Variants in ADAMTS17 observed in about 807,000 individuals in gnomAD.
The protein encoded by ADAMTS17 is ADAM metallopeptidase with thrombospondin type 1 motif 17, also known as A disintegrin and metalloproteinase with thrombospondin motifs 17.
ADAMTS17 carries 113 observed loss-of-function variants against 141.5 expected under a neutral mutation model. That is an observed-to-expected ratio of 0.80 (90% CI 0.69 to 0.93). The LOEUF (loss-of-function observed/expected upper bound fraction) is 0.93. Among genes scored for constraint, ADAMTS17 ranks in the 40% least tolerant of loss-of-function variants. The probability of loss-of-function intolerance (pLI) is 0.00; values close to 1 mark genes in which losing one functional copy is unlikely to be tolerated. For missense variants in ADAMTS17, 1,659 were observed against 1,517.9 expected, an observed-to-expected ratio of 1.09 and a Z score of -1.54; for synonymous variants, 768 against 630.6, an observed-to-expected ratio of 1.22 and a Z score of -3.27.
chr15:100,231,479 C>CA (rs1369607462), intron 7 of ADAMTS17, among the ~76,000 whole-genome samples: 6 of 152,176 alleles, frequency 3.9e-5, no homozygotes, highest in Admixed American at 3.9e-4. Flanking sequence ...GCTGGCCTGA[C>CA]AGGGACCATG....
At chr15:99,984,239 C>T (rs1413369409) in intron 20 of ADAMTS17, among the ~76,000 whole-genome samples, 1 of 152,196 alleles carries the variant, frequency 6.6e-6, no homozygotes, top group Non-Finnish European at 1.5e-5. Context: ...GCCTCCAGAG[C>T]TCTTGGGGAC....
intron 10 of ADAMTS17, among the ~76,000 whole-genome samples, 157 bp from the exon 11 acceptor site, chr15:100,133,472 T>G (rs1285250012): frequency 6.6e-6 from 1 of 152,094 alleles, no homozygotes; most frequent in Non-Finnish European, 1.5e-5. Flanking sequence ...AAAATATCAG[T>G]GCATCACTTG....
At chr15:99,984,501 G>C (rs1233473061) in intron 20 of ADAMTS17, among the ~76,000 whole-genome samples, 2 of 152,238 alleles carry the variant, frequency 1.3e-5, no homozygotes, top group Admixed American at 1.3e-4. Context: ...AGATTCTGAT[G>C]AGAGAAGAGG....
intron 10 of ADAMTS17, among the ~76,000 whole-genome samples, chr15:100,139,395 T>A (rs1325865952): frequency 6.6e-6 from 1 of 152,154 alleles, no homozygotes; most frequent in African/African-American, 2.4e-5. Flanking sequence ...TTTGGCAATG[T>A]CCGAAGGCAT....
intron 18 of ADAMTS17, among the ~76,000 whole-genome samples, chr15:100,029,897 TG>T (rs2141480926): frequency 6.6e-6 from 1 of 152,252 alleles, no homozygotes; most frequent in East Asian, 1.9e-4. Flanking sequence ...TAGCTAGAAA[TG>T]TAAGTTTCCA....
chr15:100,080,560 C>G (rs74595588), intron 15 of ADAMTS17, among the ~76,000 whole-genome samples: 26,047 of 151,950 alleles, frequency 0.17, 2,737 homozygotes, highest in East Asian at 0.53. Flanking sequence ...AGAAAAAACC[C>G]ACGTCTTGCT....
intron 4 of ADAMTS17, among the ~76,000 whole-genome samples, chr15:100,278,155 G>A (rs560674102): frequency 4.9e-4 from 75 of 152,228 alleles, no homozygotes; most frequent in Non-Finnish European, 8.4e-4. Context: ...GGGAAAGGGG[G>A]AAGATAGTGT....
chr15:100,055,405 C>G (rs557124024), intron 15 of ADAMTS17, among the ~76,000 whole-genome samples: 20 of 152,330 alleles, frequency 1.3e-4, no homozygotes, highest in South Asian at 4.1e-4. Context: ...AGTCACTGGC[C>G]TCAGTTCTTG....
At chr15:100,207,844 C>T (rs1367054360) in intron 7 of ADAMTS17, among the ~76,000 whole-genome samples, 3 of 152,238 alleles carry the variant, frequency 2.0e-5, no homozygotes, top group Admixed American at 6.5e-5. Context: ...ACATGCCAAA[C>T]GTGGACCCAT....
At chr15:100,204,231 C>A (rs2041447879) in intron 7 of ADAMTS17, among the ~76,000 whole-genome samples, 1 of 152,230 alleles carries the variant, frequency 6.6e-6, no homozygotes, top group Admixed American at 6.5e-5. Context: ...CTGGTTGATG[C>A]AGTAAGTTGT....
intron 15 of ADAMTS17, among the ~76,000 whole-genome samples, chr15:100,081,791 T>C (rs1280469324): frequency 6.6e-6 from 1 of 152,254 alleles, no homozygotes; most frequent in African/African-American, 2.4e-5. Flanking sequence ...TTGTCATAAG[T>C]TGAATTTGCA....
chr15:100,125,911 G>C (rs74039603), intron 12 of ADAMTS17, among the ~76,000 whole-genome samples: 2,840 of 152,252 alleles, frequency 0.019, 96 homozygotes, highest in African/African-American at 0.063. Context: ...ACAGGGAGCA[G>C]AGCCAGGAAT....
intron 15 of ADAMTS17, among the ~76,000 whole-genome samples, chr15:100,075,458 C>T (rs1000580166): frequency 2.0e-5 from 3 of 152,118 alleles, no homozygotes; most frequent in Non-Finnish European, 2.9e-5. Flanking sequence ...GCTGCTGTAA[C>T]ATGTTGAGGT....
intron 15 of ADAMTS17, among the ~76,000 whole-genome samples, chr15:100,076,787 CAAAAACATAGCATAG>C (rs2034408498): frequency 6.6e-6 from 1 of 151,976 alleles, no homozygotes; most frequent in Non-Finnish European, 1.5e-5. Flanking sequence ...ACTACACAAA[CAAAAACATAGCATAG>C]TATTTTCATA....
chr15:100,044,710 G>A (rs1276555330), intron 18 of ADAMTS17, among the ~76,000 whole-genome samples: 1 of 152,078 alleles, frequency 6.6e-6, no homozygotes, highest in Non-Finnish European at 1.5e-5. Flanking sequence ...TATATGACTA[G>A]TAATTTTGGA....
intron 18 of ADAMTS17, among the ~76,000 whole-genome samples, chr15:100,015,369 C>T (rs936089234): frequency 3.3e-5 from 5 of 152,048 alleles, no homozygotes; most frequent in African/African-American, 7.2e-5. Flanking sequence ...TGTGAGGTAC[C>T]GTTGCATTTG....
intron 3 of ADAMTS17, among the ~76,000 whole-genome samples, chr15:100,281,907 A>C (rs578247787): frequency 6.6e-6 from 1 of 152,280 alleles, no homozygotes; most frequent in Non-Finnish European, 1.5e-5. Context: ...ACATAAAAAC[A>C]CTATGTTTTT....
At chr15:100,070,346 T>TAAC (rs200116260) in intron 15 of ADAMTS17, among the ~76,000 whole-genome samples, 3,992 of 149,818 alleles carry the variant, frequency 0.027, 396 homozygotes, top group African/African-American at 0.094. Flanking sequence ...GTCAGAAAGT[T>TAAC]AACAAGGATA....
intron 18 of ADAMTS17, among the ~76,000 whole-genome samples, chr15:100,038,064 C>G (rs2030915776): frequency 6.6e-6 from 1 of 152,194 alleles, no homozygotes; most frequent in Non-Finnish European, 1.5e-5. Context: ...GCCCCACCTC[C>G]AACTGCATTC....
Sources: allele counts gnomAD v4.1 joint callset (sites outside exome capture counted in the v4.1 genomes callset), GRCh38; gene constraint gnomAD v4.1.1; transcripts MANE v1.5; gene names NCBI Gene and HGNC (gene_info 2026-07-23, HGNC 2026-07-21).